EXOC6B: variants seen among roughly 807,000 people sequenced by gnomAD.
EXOC6B encodes SEC15 homolog B.
In EXOC6B, 54 loss-of-function variants were observed where a neutral mutation model predicts 113.5. The ratio of observed to expected loss-of-function variants is 0.48; its 90% CI spans 0.38 to 0.60. EXOC6B has a LOEUF of 0.60. Among genes scored for constraint, EXOC6B ranks in the 20% least tolerant of loss-of-function variants. The pLI, the probability that EXOC6B is intolerant of heterozygous loss-of-function variation, is 0.00. For synonymous variants in EXOC6B, 357 were observed against 339.0 expected (o/e 1.05, Z -0.58); for missense variants, 797 against 977.5 (o/e 0.82, Z 2.46).
At chr2:72,551,228 C>T (rs1344512420) in intron 8 of EXOC6B, among the ~76,000 whole-genome samples, 10 of 152,230 alleles carry the variant, frequency 6.6e-5, no homozygotes, top group African/African-American at 2.4e-4. Flanking sequence ...TCCGGAGTCT[C>T]GCTCTGTCAC....
intron 6 of EXOC6B, among the ~76,000 whole-genome samples, chr2:72,631,823 G>A (rs1219294706): frequency 3.3e-5 from 5 of 151,918 alleles, no homozygotes; most frequent in African/African-American, 7.3e-5. Context: ...CAATCATAAC[G>A]CTTAGCTGAC....
chr2:72,512,358 AGG>A (rs1254872123), intron 11 of EXOC6B, among the ~76,000 whole-genome samples: 2 of 17,766 alleles, frequency 1.1e-4, no homozygotes, highest in Admixed American at 5.5e-4. Flanking sequence ...GAAGGAAGGA[AGG>A]AAGGAAAGAA....
intron 18 of EXOC6B, among the ~76,000 whole-genome samples, chr2:72,385,676 A>G (rs2105088833): frequency 6.6e-6 from 1 of 152,310 alleles, no homozygotes; most frequent in Admixed American, 6.5e-5. Flanking sequence ...GAAAAGAAAT[A>G]AACTGATTAA....
chr2:72,251,212 G>A (rs190352860), intron 20 of EXOC6B, among the ~76,000 whole-genome samples: 3 of 144,548 alleles, frequency 2.1e-5, no homozygotes, highest in Non-Finnish European at 4.7e-5. Flanking sequence ...TTCCTACTTG[G>A]ATTCCAAGCT....
In EXOC6B at chr2:72,700,237, AAC is replaced by A. The variant is rs3034948; in HGVS notation, c.669+17864_669+17865del. ...TCCTGTTAGATACAAAGACCACAGA[AAC>A]ACACACACACACACACACACACACA... On this transcript the variant is annotated intron_variant, in intron 6 of 21. Coordinates refer to ENST00000272427, the MANE Select transcript of EXOC6B (RefSeq NM_015189.3). Among the ~76,000 whole-genome samples the A allele has an allele frequency of 2.0e-3, 283 of 142,404 alleles. 2 individuals are homozygous for A. The highest frequency in any genetic ancestry group is 1.0e-3 in the Non-Finnish European group (69 of 65,844). The allele number at this position is 142,404 out of a possible 152,430, so 93.4% of individuals were successfully genotyped here. A position where few individuals can be genotyped will look rare whatever the true frequency, so the allele number is the denominator to read the frequency against.
chr2:72,572,926 C>T (rs1704605585), intron 7 of EXOC6B, among the ~76,000 whole-genome samples: 1 of 152,158 alleles, frequency 6.6e-6, no homozygotes, highest in Admixed American at 6.5e-5. Flanking sequence ...AGAGCTCAAT[C>T]AGCAAATCTT....
intron 20 of EXOC6B, among the ~76,000 whole-genome samples, chr2:72,240,263 G>A (rs1304054510): frequency 1.3e-5 from 2 of 152,186 alleles, no homozygotes; most frequent in African/African-American, 4.8e-5. Context: ...CCAGGTCACA[G>A]GGGAAGGCCT....
intron 11 of EXOC6B, among the ~76,000 whole-genome samples, chr2:72,503,505 G>A (rs1323535565): frequency 6.6e-6 from 1 of 152,226 alleles, no homozygotes; most frequent in African/African-American, 2.4e-5. Flanking sequence ...AGGTTCCTCT[G>A]TGTCTTTTCA....
At position 72,177,089 on chromosome 2, in the gene EXOC6B, G is replaced by A. The variant is rs957753141; in HGVS notation, c.*2246C>T. 1.3e-5 allele frequency: 2 copies of A among 152,088 alleles called. No homozygotes were observed. The highest frequency in any genetic ancestry group is 1.3e-4 in the Admixed American group (2 of 15,268). The allele number at this position is 152,088 out of a possible 1,614,324, so 9.4% of individuals were successfully genotyped here. On this transcript the variant is annotated 3_prime_UTR_variant, in exon 22 of 22. Coordinates refer to ENST00000272427, the MANE Select transcript of EXOC6B (RefSeq NM_015189.3). ...TGCATGTTGTTTTTTGTTAGATAAGGTGAAGGCAGACTAAGAATGGAGAGA... is the reference window on the plus strand; with the variant it reads ...TGCATGTTGTTTTTTGTTAGATAAGATGAAGGCAGACTAAGAATGGAGAGA...
chr2:72,185,570 T>G (rs1393876397), intron 20 of EXOC6B, among the ~76,000 whole-genome samples: 1 of 152,212 alleles, frequency 6.6e-6, no homozygotes, highest in Non-Finnish European at 1.5e-5. Flanking sequence ...CTGGTTGGTC[T>G]GGGCCAGGAT....
At chr2:72,812,741 A>C (rs1685991651) in intron 1 of EXOC6B, among the ~76,000 whole-genome samples, 1 of 152,000 alleles carries the variant, frequency 6.6e-6, no homozygotes, top group African/African-American at 2.4e-5. Flanking sequence ...AAAAAGGCAA[A>C]GAAACATTAG....
chr2:72,701,270 A>G (rs1678320043), intron 6 of EXOC6B, among the ~76,000 whole-genome samples: 1 of 150,996 alleles, frequency 6.6e-6, no homozygotes, highest in African/African-American at 2.4e-5. Context: ...TGAACCAGGA[A>G]GTCAAAGGAT....
chr2:72,483,587 A>T (rs1410387978), intron 16 of EXOC6B, among the ~76,000 whole-genome samples: 1 of 152,230 alleles, frequency 6.6e-6, no homozygotes, highest in African/African-American at 2.4e-5. Context: ...ACTTTTTGAA[A>T]TGTTTCATTG....
chr2:72,385,351 A>C (rs1432052181), intron 18 of EXOC6B, among the ~76,000 whole-genome samples: 1 of 152,130 alleles, frequency 6.6e-6, no homozygotes, highest in Non-Finnish European at 1.5e-5. Flanking sequence ...TAAACAAAAA[A>C]TAATTCAAAA....
At chr2:72,576,663 A>G (rs748082184) in intron 6 of EXOC6B, among the ~76,000 whole-genome samples, 1 of 152,138 alleles carries the variant, frequency 6.6e-6, no homozygotes. Flanking sequence ...AACAGGAAAT[A>G]CTGCGTCCCA....
chr2:72,762,976 T>C lies in EXOC6B; in HGVS notation c.114-21507A>G, dbSNP rs147206284. Among the ~76,000 whole-genome samples the C allele has an allele frequency of 4.2e-3, 634 of 152,074 alleles. 4 individuals are homozygous for C. Among genetic ancestry groups the C allele is most frequent in the African/African-American group, 0.015 (612 of 41,494 alleles). On this transcript the variant is annotated intron_variant, in intron 1 of 21. Coordinates refer to ENST00000272427, the MANE Select transcript of EXOC6B (RefSeq NM_015189.3). ...ACGTACAATAGCATTTGAAAATACA[T>C]TGCAATAAGTTAAAGATGCATACTG... is the stretch of plus-strand genomic sequence containing the variant.
intron 16 of EXOC6B, among the ~76,000 whole-genome samples, chr2:72,484,949 G>A (rs193200630): frequency 2.0e-4 from 30 of 152,276 alleles, no homozygotes; most frequent in African/African-American, 7.2e-4. Context: ...TGTCTTTATA[G>A]TAGAATGATT....
intron 6 of EXOC6B, among the ~76,000 whole-genome samples, chr2:72,578,306 C>G (rs776640816): frequency 1.5e-4 from 23 of 152,034 alleles, no homozygotes; most frequent in Non-Finnish European, 3.1e-4. Flanking sequence ...CAAGTCTAAA[C>G]TTCATAATCT....
At chr2:72,584,659 C>T (rs1468723555) in intron 6 of EXOC6B, among the ~76,000 whole-genome samples, 1 of 152,168 alleles carries the variant, frequency 6.6e-6, no homozygotes, top group Non-Finnish European at 1.5e-5. Context: ...CCAATTGGAC[C>T]TAACAGACAT....
Sources: allele counts gnomAD v4.1 joint callset (sites outside exome capture counted in the v4.1 genomes callset), GRCh38; gene constraint gnomAD v4.1.1; transcripts MANE v1.5; gene names NCBI Gene and HGNC (gene_info 2026-07-23, HGNC 2026-07-21).